NEK9: variants seen among roughly 807,000 people sequenced by gnomAD.
NEK9 encodes NIMA related kinase 9.
In NEK9, 75 loss-of-function variants were observed where a neutral mutation model predicts 123.4. The observed-to-expected ratio is 0.61, with a 90% CI of 0.50 to 0.74. The LOEUF is 0.74. NEK9 is among the 30% of genes least tolerant of loss of function. The probability of loss-of-function intolerance (pLI) is 0.00; values close to 1 mark genes in which losing one functional copy is unlikely to be tolerated. For missense variants in NEK9, 952 were observed against 1,214.4 expected, an observed-to-expected ratio of 0.78 and a Z score of 3.21; for synonymous variants, 438 against 458.7, an observed-to-expected ratio of 0.95 and a Z score of 0.58.
At chr14:75,100,044 A>T (rs1594832230) in intron 16 of NEK9, among the ~76,000 whole-genome samples, 1 of 140,306 alleles carries the variant, frequency 7.1e-6, no homozygotes, top group Non-Finnish European at 1.5e-5. Flanking sequence ...CACAAGAATC[A>T]CTTGAACCCG....
intron 5 of NEK9, 31 bp from the exon 6 acceptor site, chr14:75,117,357 C>T: frequency 6.3e-7 from 1 of 1,583,172 alleles, no homozygotes; most frequent in Non-Finnish European, 8.6e-7. Context: ...CAAAGAATAA[C>T]TTCTTTTCTG....
chr14:75,095,360 A>G lies in NEK9; in HGVS notation c.2233+12T>C, dbSNP rs764779979. ...TCAGAAAACCACTGGTACCTGAAAC[A>G]TTGGTACTTACCAGTTCCAATGGAT... is the stretch of plus-strand genomic sequence containing the variant. On this transcript the variant is annotated intron_variant, in intron 18 of 21. Coordinates refer to ENST00000238616, the MANE Select transcript of NEK9 (RefSeq NM_033116.6). 3 of 1,603,444 alleles carry G rather than the reference A, an allele frequency of 1.9e-6. No individual in the cohort carries two copies. The Admixed American group carries it at 5.1e-5, about 27-fold the overall frequency.
At chr14:75,087,285 C>T in intron 20 of NEK9, 55 bp from the exon 21 acceptor site, 1 of 1,374,244 alleles carries the variant, frequency 7.3e-7, no homozygotes, top group Non-Finnish European at 1.0e-6. Flanking sequence ...CATAGCTCCT[C>T]AATCCAAACT....
intron 1 of NEK9, 70 bp from the exon 2 acceptor site, chr14:75,124,293 G>T (rs1895443241): frequency 6.9e-7 from 1 of 1,448,890 alleles, no homozygotes; most frequent in Non-Finnish European, 9.5e-7. Flanking sequence ...ACCTAGATCT[G>T]TAAGCCTAGA....
At position 75,088,530 on chromosome 14, in the gene NEK9, T is replaced by G. The variant is rs748520264; in HGVS notation, c.2554A>C (p.Lys852Gln). 4 of 1,613,994 alleles carry G rather than the reference T, an allele frequency of 2.5e-6. No homozygotes were observed. The highest frequency in any genetic ancestry group is 1.3e-5 in the African/African-American group (1 of 74,902). The change falls in exon 20 of 22, where the codon AAA becomes CAA. Residue 852 changes from lysine (K) to glutamine (Q), a missense_variant. Coordinates refer to ENST00000238616, the MANE Select transcript of NEK9 (RefSeq NM_033116.6). ...TLPYEELQGL[K>Q]VASEAPLEHK... is the part of the protein sequence containing the mutation. ...TCCAAAGGAGCTTCAGAGGCCACTTTGAGTCCTTGCAGCTCTTCATAGGGC... is the reference window on the plus strand; with the variant it reads ...TCCAAAGGAGCTTCAGAGGCCACTTGGAGTCCTTGCAGCTCTTCATAGGGC...
At chr14:75,090,810 T>A in intron 19 of NEK9, among the ~76,000 whole-genome samples, 1 of 152,068 alleles carries the variant, frequency 6.6e-6, no homozygotes, top group East Asian at 1.9e-4. Context: ...TAGGCTCAAG[T>A]GATCCTCCTG....
intron 2 of NEK9, among the ~76,000 whole-genome samples, chr14:75,122,789 CTTTTTTTTTTT>C (rs35799337): frequency 2.5e-5 from 2 of 80,106 alleles, no homozygotes; most frequent in African/African-American, 1.1e-4. Flanking sequence ...CCACGCCCAG[CTTTTTTTTTTT>C]TTTTTTTTTT....
Position 75,114,191 on chromosome 14 carries a change from A to G in NEK9, c.873+12T>C. The G allele has an allele frequency of 6.3e-7, 1 of 1,581,078 alleles. No individual in the cohort carries two copies. Among genetic ancestry groups the G allele is most frequent in the Non-Finnish European group, 8.7e-7 (1 of 1,149,892 alleles). Reference sequence around the variant, plus strand: ...AATACGAAACTGAAGTGAATGTTTAAGTCACACCTACCTGGTCAAGGCACG... The same window carrying G: ...AATACGAAACTGAAGTGAATGTTTAGGTCACACCTACCTGGTCAAGGCACG... On this transcript the variant is annotated intron_variant, in intron 7 of 21. Transcript: ENST00000238616.
At chr14:75,108,847 G>A (rs748369391) in intron 10 of NEK9, among the ~76,000 whole-genome samples, 10 of 152,008 alleles carry the variant, frequency 6.6e-5, no homozygotes, top group Non-Finnish European at 1.5e-4. Context: ...GAGCCACTAC[G>A]CCCAGCCAAT....
At chr14:75,095,289 T>G (rs1053881352) in intron 18 of NEK9, 83 bp downstream of exon 18, 25 of 862,848 alleles carry the variant, frequency 2.9e-5, no homozygotes, top group Non-Finnish European at 4.6e-5. Context: ...CCCATTTTCC[T>G]TTGGGTTTTG....
In NEK9 at chr14:75,106,534, T is replaced by C; in HGVS notation, c.1496A>G (p.Lys499Arg). 1 of 1,614,078 alleles carries C rather than the reference T, an allele frequency of 6.2e-7. No individual in the cohort carries two copies. The highest frequency in any genetic ancestry group is 8.5e-7 in the Non-Finnish European group (1 of 1,180,016). The change falls in exon 12 of 22, where the codon AAG becomes AGG. Residue 499 changes from lysine to arginine, a missense_variant. Physicochemically the swap from Lys to Arg is conservative, Grantham distance 26. Coordinates refer to ENST00000238616, the MANE Select transcript of NEK9 (RefSeq NM_033116.6). ...DNHVVVLTRN[K>R]EVYSWGCGEY... ...GCCACAGCCCCAAGAATAGACTTCC[T>C]TGTTTCGTGTCAGAACCACCACATG...
Position 75,106,654 on chromosome 14 carries a change from C to T in NEK9, c.1376G>A (p.Gly459Glu). 6.2e-7 allele frequency: 1 copy of T among 1,614,078 alleles called. No homozygotes were observed. Among genetic ancestry groups the T allele is most frequent in the Non-Finnish European group, 8.5e-7 (1 of 1,180,046 alleles). ...AFGSDYYGCMGVDKVAGPEVL... is the reference protein window; with the variant it reads ...AFGSDYYGCMEVDKVAGPEVL... Reference sequence around the variant, plus strand: ...TTCAGGGCCAGCAACTTTGTCCACCCCCATGCAGCCATAATAATCTGATCC... The same window carrying T: ...TTCAGGGCCAGCAACTTTGTCCACCTCCATGCAGCCATAATAATCTGATCC... Residue 459 changes from glycine to glutamate, a missense_variant, in exon 12 of 22, where the codon GGG (glycine) becomes GAG (glutamate). Around this residue, in one of 4 missense-constraint regions of NEK9, gnomAD observed 698 missense variants for 875.6 expected, o/e 0.80. Transcript: ENST00000238616.
Position 75,126,851 on chromosome 14 carries a change from C to T in NEK9, c.71G>A (p.Gly24Asp), listed in dbSNP as rs768849849. Residue 24 changes from glycine to aspartate, a missense_variant, in exon 1 of 22, where the codon GGT becomes GAT. Physicochemically the swap from Gly to Asp is moderately conservative, Grantham distance 94 (BLOSUM62 -1). Around this residue, in one of 4 missense-constraint regions of NEK9, gnomAD observed 120 missense variants for 97.6 expected, o/e 1.23. Coordinates refer to ENST00000238616, the MANE Select transcript of NEK9 (RefSeq NM_033116.6). ...INSDFGSESG[G>D]CGDSSPGPSA... ...AGGCCCCGGACTCGAGTCCCCGCAA[C>T]CCCCGGACTCGCTCCCAAAGTCCGA... 6.5e-7 allele frequency: 1 copy of T among 1,532,698 alleles called. No homozygotes were observed. Among genetic ancestry groups the T allele is most frequent in the Non-Finnish European group, 8.8e-7 (1 of 1,140,084 alleles). 94.9% of individuals were successfully genotyped at this position (1,532,698 alleles called of 1,614,324 possible).
intron 16 of NEK9, 69 bp from the exon 17 acceptor site, chr14:75,097,339 CTTTA>C: frequency 7.5e-7 from 1 of 1,334,510 alleles, no homozygotes. Flanking sequence ...GGTTCCCCAT[CTTTA>C]TATCCTAGAG....
chr14:75,088,341 A>T, intron 20 of NEK9, 139 bp downstream of exon 20: 1 of 769,590 alleles, frequency 1.3e-6, no homozygotes, highest in Non-Finnish European at 2.1e-6. Flanking sequence ...TTGAGGCTTT[A>T]AGTACTGCTG....
At chr14:75,093,033 T>G (rs558558696) in intron 18 of NEK9, among the ~76,000 whole-genome samples, 1 of 152,338 alleles carries the variant, frequency 6.6e-6, no homozygotes, top group South Asian at 2.1e-4. Flanking sequence ...TAAGACTATT[T>G]TAACATACGT....
At chr14:75,108,105 A>G (rs1289329075) in intron 10 of NEK9, among the ~76,000 whole-genome samples, 2 of 151,948 alleles carry the variant, frequency 1.3e-5, no homozygotes, top group African/African-American at 4.8e-5. Flanking sequence ...CAATGAGACT[A>G]GTCCTTGATG....
At position 75,081,823 on chromosome 14, in the gene NEK9, C is replaced by A. The variant is rs1893875405; in HGVS notation, c.*2741G>T. The A allele has an allele frequency of 6.6e-6, 1 of 152,078 alleles. No individual in the cohort carries two copies. Among genetic ancestry groups the A allele is most frequent in the Admixed American group, 6.5e-5 (1 of 15,274 alleles). 9.4% of individuals were successfully genotyped at this position (152,078 alleles called of 1,614,324 possible). A position where few individuals can be genotyped will look rare whatever the true frequency, so the allele number is the denominator to read the frequency against. On this transcript the variant is annotated 3_prime_UTR_variant, in exon 22 of 22. Transcript: ENST00000238616. The surrounding 1 kb of genome is among the most constrained non-coding windows in gnomAD (Gnocchi z 4.2). ...CCCACTGAGACTGAGGAGGTAGGTA[C>A]AAGAAAGGATCATCCTTCTTTTAGT...
At chr14:75,105,914 A>C in intron 13 of NEK9, 36 bp downstream of exon 13, 1 of 1,533,856 alleles carries the variant, frequency 6.5e-7, no homozygotes, top group Admixed American at 1.7e-5. Flanking sequence ...GTGCGACTTA[A>C]GATAGGTTTT....
Sources: gnomAD v4.1 joint callset for allele counts (sites outside exome capture counted in the v4.1 genomes callset) on GRCh38, gnomAD v4.1.1 for gene constraint, gnomAD v4.1.1 regional missense constraint, Gnocchi (gnomAD v3.1) non-coding constraint, MANE v1.5 for transcripts, NCBI Gene and HGNC (gene_info 2026-07-23, HGNC 2026-07-21) for gene names.